Variants in TMEM132C observed in about 807,000 individuals in gnomAD.
TMEM132C encodes the protein transmembrane protein 132C.
In TMEM132C, 29 loss-of-function variants were observed where a neutral mutation model predicts 61.4. The observed-to-expected ratio is 0.47, with a 90% confidence interval of 0.35 to 0.64. The LOEUF (loss-of-function observed/expected upper bound fraction) is 0.64, where lower values mean the gene tolerates loss of function less well. Ranked by LOEUF, TMEM132C falls within the 30% of genes least tolerant of loss-of-function variation. TMEM132C has a pLI of 0.00. For synonymous variants in TMEM132C, 656 were observed against 633.1 expected (o/e 1.04, Z -0.54); for missense variants, 1,408 against 1,476.9 (o/e 0.95, Z 0.76).
At chr12:128,700,120 C>G (rs1010227461) in intron 8 of TMEM132C, among the ~76,000 whole-genome samples, 2 of 152,148 alleles carry the variant, frequency 1.3e-5, no homozygotes, top group African/African-American at 4.8e-5. Flanking sequence ...TGGGGTATGG[C>G]CGGCCGCTCC....
intron 4 of TMEM132C, among the ~76,000 whole-genome samples, chr12:128,667,226 T>A (rs1055934330): frequency 6.6e-6 from 1 of 152,176 alleles, no homozygotes; most frequent in Non-Finnish European, 1.5e-5. Context: ...TGTGTGCGCA[T>A]GTGTGCGTGT....
At chr12:128,546,229 G>T (rs751165373) in intron 3 of TMEM132C, among the ~76,000 whole-genome samples, 2 of 152,124 alleles carry the variant, frequency 1.3e-5, no homozygotes, top group African/African-American at 2.4e-5. Context: ...AGAAAGAAAT[G>T]TGTTTATGAG....
chr12:128,498,902 G>T (rs950285268), intron 2 of TMEM132C, among the ~76,000 whole-genome samples: 11 of 152,046 alleles, frequency 7.2e-5, no homozygotes, highest in African/African-American at 2.7e-4. Context: ...AACATCCCAG[G>T]TTTTGCAATT....
At chr12:128,657,407 G>T (rs1954337076) in intron 4 of TMEM132C, among the ~76,000 whole-genome samples, 1 of 152,176 alleles carries the variant, frequency 6.6e-6, no homozygotes, top group African/African-American at 2.4e-5. Flanking sequence ...CAGGAAGGGA[G>T]GCCAGGTTTT....
At chr12:128,364,547 C>G (rs1444539120) in intron 1 of TMEM132C, among the ~76,000 whole-genome samples, 1 of 152,198 alleles carries the variant, frequency 6.6e-6, no homozygotes, top group Non-Finnish European at 1.5e-5. Flanking sequence ...GGGTCCTTTT[C>G]TTCCAAAGTG....
At chr12:128,427,565 C>T (rs1175803026) in intron 2 of TMEM132C, among the ~76,000 whole-genome samples, 1 of 151,976 alleles carries the variant, frequency 6.6e-6, no homozygotes, top group African/African-American at 2.4e-5. Flanking sequence ...ACACTTCCCC[C>T]AGGGCTGGAT....
At chr12:128,268,116 T>C (rs565919451) in intron 1 of TMEM132C, among the ~76,000 whole-genome samples, 1 of 152,110 alleles carries the variant, frequency 6.6e-6, no homozygotes, top group African/African-American at 2.4e-5. Flanking sequence ...TCCTTTGCGG[T>C]GGGGGAGCGC....
intron 1 of TMEM132C, among the ~76,000 whole-genome samples, chr12:128,411,617 T>G (rs1868553981): frequency 6.6e-6 from 1 of 152,184 alleles, no homozygotes; most frequent in Non-Finnish European, 1.5e-5. Context: ...GTACTAGGAA[T>G]GAGACACTTT....
intron 1 of TMEM132C, among the ~76,000 whole-genome samples, chr12:128,384,171 T>C (rs375920652): frequency 8.5e-5 from 13 of 152,222 alleles, no homozygotes; most frequent in African/African-American, 3.1e-4. Context: ...AGCTGAAGTC[T>C]GACCTTCTCC....
At chr12:128,328,598 C>T (rs1024495058) in intron 1 of TMEM132C, among the ~76,000 whole-genome samples, 1 of 152,086 alleles carries the variant, frequency 6.6e-6, no homozygotes, top group Admixed American at 6.5e-5. Flanking sequence ...ACCAGCCTGA[C>T]CAACATGGTG....
At chr12:128,402,410 C>CG (rs1167155935) in intron 1 of TMEM132C, among the ~76,000 whole-genome samples, 1 of 152,146 alleles carries the variant, frequency 6.6e-6, no homozygotes, top group Admixed American at 6.5e-5. Context: ...CTCCATCCTC[C>CG]GTTAGGCCCC....
intron 4 of TMEM132C, among the ~76,000 whole-genome samples, chr12:128,665,611 CCAAA>C (rs534058130): frequency 4.9e-5 from 4 of 82,040 alleles, no homozygotes; most frequent in African/African-American, 2.5e-4. Flanking sequence ...TCACACATAC[CCAAA>C]CACAGGCACA....
intron 1 of TMEM132C, among the ~76,000 whole-genome samples, chr12:128,334,789 G>T (rs1191397996): frequency 1.3e-5 from 2 of 151,954 alleles, no homozygotes; most frequent in Admixed American, 1.3e-4. Context: ...GTAGAGACGG[G>T]ATTTCACTGT....
intron 3 of TMEM132C, 117 bp from the exon 4 acceptor site, chr12:128,616,035 C>A: frequency 1.5e-6 from 2 of 1,301,674 alleles, no homozygotes; most frequent in Non-Finnish European, 2.1e-6. Flanking sequence ...CCCACCAAAA[C>A]CCTGGAGCCA....
chr12:128,647,042 G>A (rs1206618593), intron 4 of TMEM132C, among the ~76,000 whole-genome samples: 1 of 152,044 alleles, frequency 6.6e-6, no homozygotes, highest in African/African-American at 2.4e-5. Flanking sequence ...ATGTGAGTGT[G>A]TTTACTGGAG....
At chr12:128,448,580 A>C (rs564021238) in intron 2 of TMEM132C, among the ~76,000 whole-genome samples, 17 of 152,096 alleles carry the variant, frequency 1.1e-4, no homozygotes, top group Non-Finnish European at 2.4e-4. Context: ...CTGGTATAAC[A>C]CTGCTTTTGC....
intron 1 of TMEM132C, among the ~76,000 whole-genome samples, chr12:128,366,056 G>A (rs765720111): frequency 1.8e-4 from 28 of 152,204 alleles, no homozygotes; most frequent in Non-Finnish European, 2.2e-4. Context: ...ATGGTGTTTC[G>A]GAAGGCGCTG....
intron 1 of TMEM132C, among the ~76,000 whole-genome samples, chr12:128,383,216 G>A (rs972224017): frequency 1.3e-5 from 2 of 152,100 alleles, no homozygotes; most frequent in East Asian, 3.9e-4. Context: ...GTGTGTATGA[G>A]CATATACACA....
At chr12:128,538,142 T>G (rs1187201956) in intron 2 of TMEM132C, among the ~76,000 whole-genome samples, 1 of 151,830 alleles carries the variant, frequency 6.6e-6, no homozygotes, top group Non-Finnish European at 1.5e-5. Flanking sequence ...TATTTTGAGA[T>G]GGAGTCTCGT....
Sources: allele counts gnomAD v4.1 joint callset (sites outside exome capture counted in the v4.1 genomes callset), GRCh38; gene constraint gnomAD v4.1.1; transcripts MANE v1.5; gene names NCBI Gene and HGNC (gene_info 2026-07-23, HGNC 2026-07-21).